KCNB2: variants seen among roughly 807,000 people sequenced by gnomAD.
KCNB2 encodes the protein potassium voltage-gated channel subfamily B member 2.
In KCNB2, 15 loss-of-function variants were observed where a neutral mutation model predicts 61.5. The ratio of observed to expected loss-of-function variants is 0.24; its 90% CI spans 0.16 to 0.38. The LOEUF is 0.38. KCNB2 is among the 10% of genes least tolerant of loss of function. KCNB2 has a pLI of 1.00. For missense variants in KCNB2, 828 were observed against 1,125.2 expected (o/e 0.74, Z 3.78); for synonymous variants, 457 against 446.0 (o/e 1.02, Z -0.31).
Position 72,789,563 on chromosome 8 carries a change from A to C in KCNB2, c.580-146372A>C, listed in dbSNP as rs1389860130. ...GGAAGACAAAGCCGTGAAGGAACAC[A>C]GCTTACTCAGGCATGGAGAGTAGGA... On this transcript the variant is annotated intron_variant, in intron 2 of 2. Transcript: ENST00000523207. Among the ~76,000 whole-genome samples the C allele has an allele frequency of 2.0e-5, 3 of 152,152 alleles. No individual in the cohort carries two copies. In the East Asian group the frequency reaches 5.8e-4, roughly 29 times the overall value.
intron 2 of KCNB2, among the ~76,000 whole-genome samples, chr8:72,702,075 A>G (rs1807139892): frequency 6.6e-6 from 1 of 152,226 alleles, no homozygotes; most frequent in Admixed American, 6.5e-5. Flanking sequence ...TTAGCAGAAC[A>G]CAGAACATCA....
At chr8:72,853,096 G>A (rs1027069994) in intron 2 of KCNB2, among the ~76,000 whole-genome samples, 2 of 152,202 alleles carry the variant, frequency 1.3e-5, no homozygotes, top group East Asian at 1.9e-4. Flanking sequence ...ATACTTATTT[G>A]TGTTATCTTG....
chr8:72,738,139 G>A (rs888813042), intron 2 of KCNB2, among the ~76,000 whole-genome samples: 4 of 152,144 alleles, frequency 2.6e-5, no homozygotes, highest in African/African-American at 9.7e-5. Context: ...GGTAGCCAAT[G>A]CTCTGTTATA....
At chr8:72,813,679 C>CA (rs1375687020) in intron 2 of KCNB2, among the ~76,000 whole-genome samples, 1 of 152,148 alleles carries the variant, frequency 6.6e-6, no homozygotes, top group Non-Finnish European at 1.5e-5. Context: ...TACACATACA[C>CA]AAAAATACAC....
At chr8:72,925,513 A>G (rs1806622390) in intron 2 of KCNB2, among the ~76,000 whole-genome samples, 1 of 152,228 alleles carries the variant, frequency 6.6e-6, no homozygotes. Flanking sequence ...CTGTTGTTTA[A>G]AAGAGAAATG....
At chr8:72,863,385 C>A (rs939845566) in intron 2 of KCNB2, among the ~76,000 whole-genome samples, 41 of 152,026 alleles carry the variant, frequency 2.7e-4, no homozygotes. Flanking sequence ...ATTTTGAATT[C>A]GTGGAATTTT....
intron 2 of KCNB2, among the ~76,000 whole-genome samples, chr8:72,632,671 A>G (rs1805899175): frequency 6.6e-6 from 1 of 152,122 alleles, no homozygotes; most frequent in African/African-American, 2.4e-5. Flanking sequence ...TTTTGTTACT[A>G]TCAGAAGAAT....
chr8:72,612,972 A>G (rs1311592511), intron 2 of KCNB2, among the ~76,000 whole-genome samples: 1 of 152,224 alleles, frequency 6.6e-6, no homozygotes, highest in Non-Finnish European at 1.5e-5. Flanking sequence ...TAACATTTCT[A>G]TCAAGTTAGC....
At chr8:72,742,270 T>A (rs1005480254) in intron 2 of KCNB2, among the ~76,000 whole-genome samples, 2 of 152,252 alleles carry the variant, frequency 1.3e-5, no homozygotes, top group African/African-American at 4.8e-5. Flanking sequence ...TAGAAGTTTC[T>A]CCTTCTTGAA....
At chr8:72,651,506 A>G (rs755060819) in intron 2 of KCNB2, among the ~76,000 whole-genome samples, 1 of 152,180 alleles carries the variant, frequency 6.6e-6, no homozygotes, top group Non-Finnish European at 1.5e-5. Flanking sequence ...ACTTAACATT[A>G]ACATCCACAG....
intron 2 of KCNB2, among the ~76,000 whole-genome samples, chr8:72,630,950 G>A (rs990756657): frequency 6.6e-6 from 1 of 152,080 alleles, no homozygotes; most frequent in Non-Finnish European, 1.5e-5. Context: ...TACGTTCCAA[G>A]CCCCCCATGG....
intron 1 of KCNB2, among the ~76,000 whole-genome samples, chr8:72,544,491 G>C (rs2128976664): frequency 6.6e-6 from 1 of 152,298 alleles, no homozygotes; most frequent in South Asian, 2.1e-4. Flanking sequence ...TTGGAGACTA[G>C]TTAGGAGTCT....
At chr8:72,612,592 T>C (rs1805558024) in intron 2 of KCNB2, among the ~76,000 whole-genome samples, 1 of 152,196 alleles carries the variant, frequency 6.6e-6, no homozygotes, top group Non-Finnish European at 1.5e-5. Flanking sequence ...GGTTCTAATT[T>C]AGGTCTTCAT....
At chr8:72,782,370 G>T (rs73686515) in intron 2 of KCNB2, among the ~76,000 whole-genome samples, 1 of 152,016 alleles carries the variant, frequency 6.6e-6, no homozygotes, top group East Asian at 1.9e-4. Context: ...TGTGTGTTCC[G>T]AGCTAGAGAA....
At chr8:72,767,813 A>G (rs1317872737) in intron 2 of KCNB2, among the ~76,000 whole-genome samples, 1 of 152,212 alleles carries the variant, frequency 6.6e-6, no homozygotes, top group African/African-American at 2.4e-5. Context: ...AAATGCCTGC[A>G]TAATTTTGCA....
chr8:72,559,065 G>A (rs1043889336), intron 1 of KCNB2, among the ~76,000 whole-genome samples: 2 of 152,126 alleles, frequency 1.3e-5, no homozygotes, highest in African/African-American at 4.8e-5. Context: ...ACAGAAGTAA[G>A]TGAAATATAG....
At chr8:72,823,900 A>C (rs1288009069) in intron 2 of KCNB2, among the ~76,000 whole-genome samples, 2 of 152,170 alleles carry the variant, frequency 1.3e-5, no homozygotes, top group Non-Finnish European at 2.9e-5. Context: ...AGGGCTTTCC[A>C]TGAAAGCCTA....
intron 2 of KCNB2, among the ~76,000 whole-genome samples, chr8:72,895,210 G>A (rs937013591): frequency 1.3e-5 from 2 of 152,210 alleles, no homozygotes; most frequent in South Asian, 4.1e-4. Flanking sequence ...AATTATGATT[G>A]TGAAGGGAAT....
chr8:72,856,782 G>T (rs117535969), intron 2 of KCNB2, among the ~76,000 whole-genome samples: 1 of 152,024 alleles, frequency 6.6e-6, no homozygotes, highest in African/African-American at 2.4e-5. Flanking sequence ...ACTGTATTAC[G>T]GAAGAAAAAA....
Sources: gnomAD v4.1 joint callset for allele counts (sites outside exome capture counted in the v4.1 genomes callset) on GRCh38, gnomAD v4.1.1 for gene constraint, MANE v1.5 for transcripts, NCBI Gene and HGNC (gene_info 2026-07-23, HGNC 2026-07-21) for gene names.